MIIP: variants seen among roughly 807,000 people sequenced by gnomAD.
MIIP encodes migration and invasion-inhibitory protein.
MIIP carries 44 observed loss-of-function variants against 44.8 expected under a neutral mutation model. That is an observed-to-expected ratio of 0.98 (90% CI 0.77 to 1.26). MIIP has a LOEUF of 1.26. Among genes scored for constraint, MIIP ranks in the 50% most tolerant of loss-of-function variants. MIIP has a pLI of 0.00. For missense variants in MIIP, 496 were observed against 511.7 expected (o/e 0.97, Z 0.30); for synonymous variants, 225 against 218.3 (o/e 1.03, Z -0.27).
chr1:12,029,244 T>A lies in MIIP; in HGVS notation c.678T>A (p.Arg226=). The change falls in exon 6 of 10, where the codon CGT becomes CGA. Residue 226 remains arginine, a synonymous_variant. Transcript: ENST00000235332. ...TCAGACCCCAGTTGCCAGGCCTGCGTGAGAGCAGTGGCAGCGGCGTGGAGG... is the reference window on the plus strand; with the variant it reads ...TCAGACCCCAGTTGCCAGGCCTGCGAGAGAGCAGTGGCAGCGGCGTGGAGG... ...SHPEPQLPGL[R]ESSGSGVEED... is the part of the protein sequence containing the mutation. 6.2e-7 allele frequency: 1 copy of A among 1,613,624 alleles called. No individual in the cohort carries two copies. Among genetic ancestry groups the A allele is most frequent in the African/African-American group, 1.3e-5 (1 of 75,046 alleles).
At chr1:12,024,347 C>G (rs1249440255) in intron 4 of MIIP, among the ~76,000 whole-genome samples, 1 of 152,182 alleles carries the variant, frequency 6.6e-6, no homozygotes, top group Non-Finnish European at 1.5e-5. Context: ...TCCCCCTGGC[C>G]TATGTCCCAT....
chr1:12,026,946 A>T (rs1297675380), intron 4 of MIIP, among the ~76,000 whole-genome samples: 2 of 151,960 alleles, frequency 1.3e-5, no homozygotes, highest in African/African-American at 4.8e-5. Flanking sequence ...CTTCCTCTTC[A>T]AAAGGGCTGT....
intron 4 of MIIP, among the ~76,000 whole-genome samples, chr1:12,025,140 A>G (rs1213052413): frequency 1.4e-5 from 2 of 145,980 alleles, no homozygotes; most frequent in African/African-American, 2.5e-5. Flanking sequence ...GCTCACTGCA[A>G]CCTTCACCTC....
At chr1:12,023,660 G>A (rs1161341436) in intron 4 of MIIP, among the ~76,000 whole-genome samples, 4 of 148,618 alleles carry the variant, frequency 2.7e-5, no homozygotes, top group African/African-American at 9.8e-5. Context: ...TTACAGGCAT[G>A]AGCCACCATG....
chr1:12,028,617 G>T (rs778295361), intron 4 of MIIP: 4 of 178,082 alleles, frequency 2.2e-5, no homozygotes, highest in Non-Finnish European at 4.8e-5. Flanking sequence ...GCCATACTAG[G>T]CTCTGACGCT....
intron 1 of MIIP, among the ~76,000 whole-genome samples, chr1:12,020,293 A>T (rs1036286665): frequency 2.6e-5 from 4 of 152,200 alleles, no homozygotes; most frequent in Non-Finnish European, 5.9e-5. Context: ...AAGGAGGAAG[A>T]ATCCCTTTTG....
At chr1:12,031,137 A>G in intron 8 of MIIP, 129 bp from the exon 9 acceptor site, 13 of 1,144,210 alleles carry the variant, frequency 1.1e-5, no homozygotes, top group Non-Finnish European at 1.6e-5. Context: ...TCTTGTGGGT[A>G]GACACAGGCC....
chr1:12,029,381 G>A, intron 6 of MIIP, 100 bp downstream of exon 6: 1 of 1,298,798 alleles, frequency 7.7e-7, no homozygotes, highest in Non-Finnish European at 1.1e-6. Context: ...TGGGGCCTGG[G>A]GAGGCCCCTG....
chr1:12,021,491 G>C (rs1286474572), intron 1 of MIIP, among the ~76,000 whole-genome samples, 154 bp from the exon 2 acceptor site: 2 of 152,204 alleles, frequency 1.3e-5, no homozygotes, highest in East Asian at 1.9e-4. Context: ...AATCGTATGA[G>C]GTAGATACTG....
In MIIP at chr1:12,029,043, C is replaced by G; in HGVS notation, c.558C>G (p.Asp186Glu). Residue 186 changes from aspartate to glutamate, a missense_variant, in exon 5 of 10, where the codon GAC becomes GAG. Physicochemically the swap from Asp to Glu is conservative, Grantham distance 45. Transcript: ENST00000235332. ...CTTTGCCCACACCAGGGTCTCTGGACACCAGCTCTTCCATCACCAGCCAGC... is the reference window on the plus strand; with the variant it reads ...CTTTGCCCACACCAGGGTCTCTGGAGACCAGCTCTTCCATCACCAGCCAGC... ...LGYDWIAGSL[D>E]TSSSITSQPE... 1 of 1,614,050 alleles carries G rather than the reference C, an allele frequency of 6.2e-7. No homozygotes were observed. Among genetic ancestry groups the G allele is most frequent in the Non-Finnish European group, 8.5e-7 (1 of 1,179,924 alleles).
Position 12,030,018 on chromosome 1 carries a change from C to T in MIIP, c.846-10C>T. 6.2e-7 allele frequency: 1 copy of T among 1,613,082 alleles called. No individual in the cohort carries two copies. The highest frequency in any genetic ancestry group is 1.1e-5 in the South Asian group (1 of 91,068). ...GCTCCTCAGGGGTCCCCCACTGCCC[C>T]CCTGCGCAGGGTGAGCATCCCGCTG... is the stretch of plus-strand genomic sequence containing the variant. On this transcript the variant is annotated splice_polypyrimidine_tract_variant and intron_variant, in intron 7 of 9. Coordinates refer to ENST00000235332, the MANE Select transcript of MIIP (RefSeq NM_021933.4).
chr1:12,027,006 C>CTT lies in MIIP; in HGVS notation c.548-2011_548-2010dup, dbSNP rs752323245. 3.9e-3 allele frequency among the ~76,000 whole-genome samples: 507 copies of CTT among 129,486 alleles called. 5 individuals are homozygous for CTT. The highest frequency in any genetic ancestry group is 6.6e-3 in the African/African-American group (226 of 34,206). 84.9% of individuals were successfully genotyped at this position (129,486 alleles called of 152,430 possible). A position where few individuals can be genotyped will look rare whatever the true frequency, so the allele number is the denominator to read the frequency against. ...CTCCACTACTATTCCTTTTCTTTTTCTTTTTTTTTTTTTTTTTGAGATGGA... is the reference window on the plus strand; with the variant it reads ...CTCCACTACTATTCCTTTTCTTTTTCTTTTTTTTTTTTTTTTTTTGAGATGGA... On this transcript the variant is annotated intron_variant, in intron 4 of 9. Coordinates refer to ENST00000235332, the MANE Select transcript of MIIP (RefSeq NM_021933.4).
At position 12,031,848 on chromosome 1, in the gene MIIP, C is replaced by T. The variant is rs1391415713; in HGVS notation, c.*40C>T. ...GGGAGAACAGCATTCCCGCCGCCTC[C>T]AGCCTCTCCCCTCTGGCAGGCGCAC... On this transcript the variant is annotated 3_prime_UTR_variant, in exon 10 of 10. Transcript: ENST00000235332. 2.5e-6 allele frequency: 4 copies of T among 1,583,646 alleles called. No individual in the cohort carries two copies. The South Asian group carries it at 4.4e-5, about 18-fold the overall frequency.
At chr1:12,031,479 A>C in intron 9 of MIIP, 76 bp downstream of exon 9, 1 of 1,571,472 alleles carries the variant, frequency 6.4e-7, no homozygotes, top group Non-Finnish European at 8.6e-7. Flanking sequence ...TGGGGACTGC[A>C]GAGCCTCCTG....
At chr1:12,031,642 C>T (rs1640245137) in intron 9 of MIIP, 80 bp from the exon 10 acceptor site, 1 of 1,613,422 alleles carries the variant, frequency 6.2e-7, no homozygotes. Flanking sequence ...CTGCAAGATC[C>T]AGGAGGGAAT....
intron 4 of MIIP, chr1:12,028,572 T>G (rs1640153141): frequency 6.0e-6 from 1 of 167,844 alleles, no homozygotes; most frequent in South Asian, 1.4e-4. Flanking sequence ...CAGGGTCATC[T>G]CACTCGGAGA....
intron 4 of MIIP, among the ~76,000 whole-genome samples, chr1:12,025,789 T>A (rs1382340719): frequency 6.6e-6 from 1 of 152,060 alleles, no homozygotes. Context: ...CAACCTCCGC[T>A]TCCTTGGTTC....
At chr1:12,027,595 G>A (rs1557552230) in intron 4 of MIIP, among the ~76,000 whole-genome samples, 1 of 152,144 alleles carries the variant, frequency 6.6e-6, no homozygotes, top group Middle Eastern at 3.4e-3. Flanking sequence ...CCTGGGACTC[G>A]GTCTTCTGAC....
At chr1:12,028,224 A>G (rs1005972427) in intron 4 of MIIP, among the ~76,000 whole-genome samples, 12 of 152,140 alleles carry the variant, frequency 7.9e-5, no homozygotes, top group African/African-American at 2.9e-4. Flanking sequence ...AAAAAAAGAA[A>G]CATCCTAAGT....
Sources: allele counts gnomAD v4.1 joint callset (sites outside exome capture counted in the v4.1 genomes callset), GRCh38; gene constraint gnomAD v4.1.1; transcripts MANE v1.5; gene names NCBI Gene and HGNC (gene_info 2026-07-23, HGNC 2026-07-21).